BRINP3: variants seen among roughly 807,000 people sequenced by gnomAD.
The protein encoded by BRINP3 is BMP/retinoic acid-inducible neural-specific protein 3.
A neutral mutation model predicts 71.0 loss-of-function variants in BRINP3; 19 were observed. The observed-to-expected ratio is 0.27, with a 90% CI of 0.19 to 0.39. BRINP3 has a LOEUF of 0.39. BRINP3 is among the 10% of genes least tolerant of loss of function. The probability of loss-of-function intolerance (pLI) is 1.00; values close to 1 mark genes in which losing one functional copy is unlikely to be tolerated. For synonymous variants in BRINP3, 380 were observed against 337.7 expected, an observed-to-expected ratio of 1.13 and a Z score of -1.37; for missense variants, 959 against 940.8, an observed-to-expected ratio of 1.02 and a Z score of -0.25.
At chr1:190,114,979 G>A (rs935663902) in intron 7 of BRINP3, among the ~76,000 whole-genome samples, 1 of 151,916 alleles carries the variant, frequency 6.6e-6, no homozygotes, top group African/African-American at 2.4e-5. Context: ...TAAAATATCT[G>A]GCCACTGTAG....
chr1:190,274,685 G>A (rs1210622956), intron 3 of BRINP3, among the ~76,000 whole-genome samples: 1 of 151,524 alleles, frequency 6.6e-6, no homozygotes, highest in Non-Finnish European at 1.5e-5. Context: ...ATTATATTGA[G>A]TTTGCAGTTA....
At chr1:190,294,858 G>T (rs759349643) in intron 2 of BRINP3, among the ~76,000 whole-genome samples, 3 of 151,858 alleles carry the variant, frequency 2.0e-5, no homozygotes. Flanking sequence ...TAGGTTTGTT[G>T]TAAGTCTTGC....
intron 6 of BRINP3, among the ~76,000 whole-genome samples, chr1:190,214,733 A>C (rs1369099551): frequency 6.6e-6 from 1 of 152,008 alleles, no homozygotes; most frequent in Non-Finnish European, 1.5e-5. Context: ...AGCAAAACTC[A>C]CAGCAAACTT....
intron 6 of BRINP3, among the ~76,000 whole-genome samples, chr1:190,222,855 C>T (rs766314607): frequency 1.3e-5 from 2 of 151,242 alleles, no homozygotes; most frequent in Non-Finnish European, 3.0e-5. Flanking sequence ...AACTGAGAAC[C>T]CAGAAGCACA....
intron 7 of BRINP3, among the ~76,000 whole-genome samples, chr1:190,149,404 T>C (rs1272295827): frequency 2.0e-5 from 3 of 152,204 alleles, no homozygotes; most frequent in Admixed American, 1.3e-4. Context: ...CTCCATATTA[T>C]TGCATATTGA....
intron 2 of BRINP3, among the ~76,000 whole-genome samples, chr1:190,360,870 T>C (rs1026521929): frequency 6.6e-6 from 1 of 152,072 alleles, no homozygotes; most frequent in Admixed American, 6.6e-5. Flanking sequence ...CAAATCATTA[T>C]AATTTAATGT....
chr1:190,227,012 T>C (rs1212598688), intron 5 of BRINP3, among the ~76,000 whole-genome samples: 2 of 151,948 alleles, frequency 1.3e-5, no homozygotes, highest in Non-Finnish European at 2.9e-5. Context: ...CAAAATATTG[T>C]AAAATTAAGA....
chr1:190,258,081 G>C lies in BRINP3; in HGVS notation c.618+6784C>G, dbSNP rs994299402. Among the ~76,000 whole-genome samples, 5 of 152,324 alleles carry C rather than the reference G, an allele frequency of 3.3e-5. No homozygotes were observed. The South Asian group carries it at 1.0e-3, about 32-fold the overall frequency. On this transcript the variant is annotated intron_variant, in intron 4 of 7. Coordinates refer to ENST00000367462, the MANE Select transcript of BRINP3 (RefSeq NM_199051.3). The stretch of plus-strand genomic sequence containing the variant: ...GCTGCCTTTTGTTCAGCTATGCCCT[G>C]CCCCCAGAGGTGGAGTCTACAGAGG...
At chr1:190,389,951 G>A (rs548324343) in intron 2 of BRINP3, among the ~76,000 whole-genome samples, 73 of 151,826 alleles carry the variant, frequency 4.8e-4, no homozygotes, top group Admixed American at 9.9e-4. Context: ...GGCAGTAATG[G>A]CTCAAAAGAA....
Position 190,138,166 on chromosome 1 carries a change from C to G in BRINP3, c.1184+22502G>C, listed in dbSNP as rs538705682. 4.6e-5 allele frequency among the ~76,000 whole-genome samples: 7 copies of G among 152,190 alleles called. No homozygotes were observed. In the South Asian group the frequency reaches 1.5e-3, roughly 32 times the overall value. ...ACGGGGTTTCTCCATGTTGGTCAGT[C>G]TGGTCTTGAACTCCCGACCTCAGGT... On this transcript the variant is annotated intron_variant, in intron 7 of 7. Transcript: ENST00000367462.
intron 6 of BRINP3, among the ~76,000 whole-genome samples, chr1:190,202,570 C>A (rs796975622): frequency 2.6e-5 from 4 of 152,126 alleles, no homozygotes; most frequent in African/African-American, 2.4e-5. Flanking sequence ...TGTCCCCACC[C>A]AAATCTCATA....
intron 2 of BRINP3, among the ~76,000 whole-genome samples, chr1:190,350,365 C>T (rs1668300756): frequency 1.3e-5 from 2 of 152,064 alleles, no homozygotes; most frequent in Admixed American, 1.3e-4. Flanking sequence ...CTAAAAAGTA[C>T]AAACTACTGG....
At chr1:190,219,821 G>A (rs1164145679) in intron 6 of BRINP3, among the ~76,000 whole-genome samples, 1 of 150,792 alleles carries the variant, frequency 6.6e-6, no homozygotes, top group Non-Finnish European at 1.5e-5. Context: ...CTGGGTGACA[G>A]AGTGAGACTC....
chr1:190,353,038 TA>T (rs531736737), intron 2 of BRINP3, among the ~76,000 whole-genome samples: 394 of 138,164 alleles, frequency 2.9e-3, no homozygotes, highest in South Asian at 8.4e-3. Context: ...CAAGCTGGCT[TA>T]AAAAAAAAAA....
chr1:190,385,064 C>T (rs890510986), intron 2 of BRINP3, among the ~76,000 whole-genome samples: 2 of 151,814 alleles, frequency 1.3e-5, no homozygotes, highest in Non-Finnish European at 2.9e-5. Context: ...ATACAAAAAT[C>T]AATTCAAGAT....
At chr1:190,404,247 C>A (rs1453351156) in intron 2 of BRINP3, among the ~76,000 whole-genome samples, 3 of 151,916 alleles carry the variant, frequency 2.0e-5, no homozygotes, top group African/African-American at 7.3e-5. Context: ...TATCAGTACA[C>A]CTTAGCAAAA....
chr1:190,157,961 A>T (rs1255361091), intron 7 of BRINP3, among the ~76,000 whole-genome samples: 2 of 152,130 alleles, frequency 1.3e-5, no homozygotes, highest in Non-Finnish European at 2.9e-5. Context: ...CGTCCTTTGC[A>T]GTAACATGAA....
chr1:190,139,968 T>A (rs1371084151), intron 7 of BRINP3, among the ~76,000 whole-genome samples: 1 of 152,192 alleles, frequency 6.6e-6, no homozygotes, highest in Non-Finnish European at 1.5e-5. Context: ...GATAAAAATG[T>A]AATATGACAA....
At chr1:190,203,324 G>A (rs966651295) in intron 6 of BRINP3, among the ~76,000 whole-genome samples, 5 of 151,464 alleles carry the variant, frequency 3.3e-5, no homozygotes, top group African/African-American at 9.7e-5. Context: ...GCCTCTAAAG[G>A]ACCATGAGAT....
Sources: allele counts gnomAD v4.1 joint callset (sites outside exome capture counted in the v4.1 genomes callset), GRCh38; gene constraint gnomAD v4.1.1; transcripts MANE v1.5; gene names NCBI Gene and HGNC (gene_info 2026-07-23, HGNC 2026-07-21).